SVIL: variants seen among roughly 807,000 people sequenced by gnomAD.
The protein encoded by SVIL is archvillin.
Under a neutral mutation model 240.4 loss-of-function variants are expected in SVIL, and 101 were observed. The observed-to-expected ratio is 0.42, with a 90% CI of 0.36 to 0.50. SVIL has a LOEUF of 0.50. SVIL is among the 20% of genes least tolerant of loss of function. The probability of loss-of-function intolerance (pLI) is 0.01; values close to 1 mark genes in which losing one functional copy is unlikely to be tolerated. For synonymous variants in SVIL, 999 were observed against 1,100.0 expected (o/e 0.91, Z 1.82); for missense variants, 2,512 against 2,818.7 (o/e 0.89, Z 2.46).
At chr10:29,557,161 T>A (rs1340130282) in intron 3 of SVIL, among the ~76,000 whole-genome samples, 1 of 151,672 alleles carries the variant, frequency 6.6e-6, no homozygotes, top group Non-Finnish European at 1.5e-5. Flanking sequence ...AGAGGCACGA[T>A]CTCGACTCAC....
intron 1 of SVIL, among the ~76,000 whole-genome samples, chr10:29,700,765 G>A (rs565266233): frequency 5.3e-5 from 8 of 152,040 alleles, no homozygotes; most frequent in Non-Finnish European, 1.2e-4. Context: ...GAGTCACTGC[G>A]CCTGGCCACT....
chr10:29,591,692 G>A lies in SVIL; in HGVS notation c.-200-22380C>T, dbSNP rs73596063. Among the ~76,000 whole-genome samples the A allele has an allele frequency of 8.9e-3, 1,353 of 152,240 alleles. 19 individuals are homozygous for A. Among genetic ancestry groups the A allele is most frequent in the African/African-American group, 0.031 (1,297 of 41,548 alleles). On this transcript the variant is annotated intron_variant, in intron 1 of 37. Transcript: ENST00000355867. Reference sequence around the variant, plus strand: ...TGAGAACTATCATGTTCCTAAATACGTGAGTCCTTCCAGCACATTAGGTGC... The same window carrying A: ...TGAGAACTATCATGTTCCTAAATACATGAGTCCTTCCAGCACATTAGGTGC...
At chr10:29,704,051 C>A (rs1009420416) in intron 1 of SVIL, among the ~76,000 whole-genome samples, 7 of 152,184 alleles carry the variant, frequency 4.6e-5, no homozygotes, top group African/African-American at 1.7e-4. Flanking sequence ...AATTCTCCCG[C>A]CTCGGCCTCT....
chr10:29,589,258 G>A (rs1351535035), intron 1 of SVIL, among the ~76,000 whole-genome samples: 6 of 152,120 alleles, frequency 3.9e-5, no homozygotes, highest in Admixed American at 1.3e-4. Context: ...TCACATCATC[G>A]CCCGCACGGC....
intron 1 of SVIL, among the ~76,000 whole-genome samples, chr10:29,711,287 C>T (rs1963260288): frequency 6.6e-6 from 1 of 152,124 alleles, no homozygotes; most frequent in African/African-American, 2.4e-5. Context: ...GTGGTCCCAG[C>T]TACTGTGGAG....
At chr10:29,654,461 C>G (rs571633183) in intron 3 of SVIL, among the ~76,000 whole-genome samples, 1 of 152,098 alleles carries the variant, frequency 6.6e-6, no homozygotes, top group Admixed American at 6.5e-5. Context: ...AACAAGATCA[C>G]GCCATCTGCA....
exon 3 of SVIL, chr10:29,657,994 C>T (rs114622228): frequency 9.3e-4 from 141 of 152,324 alleles, no homozygotes; most frequent in African/African-American, 3.2e-3. Flanking sequence ...TAAATCATGG[C>T]TTCGATGTGA....
intron 1 of SVIL, among the ~76,000 whole-genome samples, chr10:29,606,893 T>C (rs2132858980): frequency 6.6e-6 from 1 of 152,272 alleles, no homozygotes; most frequent in Admixed American, 6.5e-5. Context: ...CAGCTGGGAT[T>C]ACAGCCACGT....
intron 2 of SVIL, among the ~76,000 whole-genome samples, chr10:29,566,119 C>T (rs764092002): frequency 1.3e-5 from 2 of 152,048 alleles, no homozygotes; most frequent in Non-Finnish European, 2.9e-5. Context: ...TAAGCCCCTC[C>T]TCCCTCCCTT....
intron 36 of SVIL, among the ~76,000 whole-genome samples, chr10:29,460,560 A>G (rs1157302087): frequency 1.3e-5 from 2 of 152,202 alleles, no homozygotes; most frequent in African/African-American, 4.8e-5. Flanking sequence ...AATTCGAGAA[A>G]GTTATATTTG....
chr10:29,675,495 A>G (rs1198097003), intron 2 of SVIL, among the ~76,000 whole-genome samples: 1 of 152,080 alleles, frequency 6.6e-6, no homozygotes, highest in Non-Finnish European at 1.5e-5. Flanking sequence ...AAACAAAACA[A>G]AACAAAAAGA....
At chr10:29,545,770 G>T (rs560322744) in intron 6 of SVIL, among the ~76,000 whole-genome samples, 4 of 142,564 alleles carry the variant, frequency 2.8e-5, no homozygotes, top group African/African-American at 1.1e-4. Context: ...CAGGAGAATC[G>T]CTTGAACCCA....
chr10:29,628,154 A>G (rs1957947648), intron 1 of SVIL, among the ~76,000 whole-genome samples: 1 of 152,240 alleles, frequency 6.6e-6, no homozygotes, highest in Non-Finnish European at 1.5e-5. Context: ...TCCTAAGAAA[A>G]TTTATATCCA....
intron 3 of SVIL, among the ~76,000 whole-genome samples, chr10:29,644,372 G>A (rs867164239): frequency 5.9e-5 from 9 of 152,114 alleles, no homozygotes; most frequent in African/African-American, 2.2e-4. Flanking sequence ...ACAGGAGCGA[G>A]GAGCCTTCTC....
chr10:29,618,089 G>A (rs550173456), intron 1 of SVIL, among the ~76,000 whole-genome samples: 143 of 152,322 alleles, frequency 9.4e-4, no homozygotes, highest in Non-Finnish European at 1.9e-3. Flanking sequence ...TGTGTAAGGA[G>A]CTTGCTGACG....
intron 1 of SVIL, among the ~76,000 whole-genome samples, chr10:29,709,023 A>G (rs2132662965): frequency 6.6e-6 from 1 of 152,342 alleles, no homozygotes; most frequent in Non-Finnish European, 1.5e-5. Context: ...AAAAAATTGA[A>G]GAAAAGATTA....
intron 1 of SVIL, among the ~76,000 whole-genome samples, chr10:29,586,786 A>C (rs1283324848): frequency 6.6e-6 from 1 of 152,200 alleles, no homozygotes; most frequent in Non-Finnish European, 1.5e-5. Flanking sequence ...AAACTAACGT[A>C]GGAACAGAAA....
chr10:29,535,515 C>T (rs1009922921), intron 7 of SVIL, among the ~76,000 whole-genome samples: 1 of 152,160 alleles, frequency 6.6e-6, no homozygotes, highest in African/African-American at 2.4e-5. Context: ...GCTTTTAAAA[C>T]CACATGCCCT....
chr10:29,594,816 C>T (rs1361022370), intron 1 of SVIL, among the ~76,000 whole-genome samples: 1 of 152,224 alleles, frequency 6.6e-6, no homozygotes, highest in East Asian at 1.9e-4. Flanking sequence ...CTCAGCCTTC[C>T]AAAGCATTGG....
Sources: allele counts gnomAD v4.1 joint callset (sites outside exome capture counted in the v4.1 genomes callset), GRCh38; gene constraint gnomAD v4.1.1; transcripts MANE v1.5; gene names NCBI Gene and HGNC (gene_info 2026-07-23, HGNC 2026-07-21).